The following CTNND1 variants were observed in gnomAD, a reference collection of about 807,000 sequenced individuals.
The protein encoded by CTNND1 is catenin delta-1.
A neutral mutation model predicts 112.1 loss-of-function variants in CTNND1; 16 were observed. The ratio of observed to expected loss-of-function variants is 0.14; its 90% confidence interval spans 0.10 to 0.22. The LOEUF (loss-of-function observed/expected upper bound fraction) is 0.22. Among genes scored for constraint, CTNND1 ranks in the 10% least tolerant of loss-of-function variants. The pLI is 1.00. For missense variants in CTNND1, 1,008 were observed against 1,257.0 expected (o/e 0.80, Z 3.00); for synonymous variants, 420 against 446.5 (o/e 0.94, Z 0.75).
At chr11:57,766,293 A>C (rs745576911) in intron 1 of CTNND1, among the ~76,000 whole-genome samples, 1 of 152,180 alleles carries the variant, frequency 6.6e-6, no homozygotes, top group African/African-American at 2.4e-5. Flanking sequence ...AAAAACGTTA[A>C]GAGCTTGGGA....
intron 1 of CTNND1, among the ~76,000 whole-genome samples, chr11:57,786,329 C>T (rs554327123): frequency 1.3e-5 from 2 of 151,650 alleles, no homozygotes; most frequent in African/African-American, 2.4e-5. Flanking sequence ...GTCAGGAGAT[C>T]GAGACCATCC....
In CTNND1 at chr11:57,815,768, C is replaced by T. The variant is rs2063900086; in HGVS notation, c.2809-147C>T. 1.2e-5 allele frequency: 9 copies of T among 772,888 alleles called. No individual in the cohort carries two copies. In the South Asian group the frequency reaches 1.3e-4, roughly 11 times the overall value. The allele number at this position is 772,888 out of a possible 1,614,324, so 47.9% of individuals were successfully genotyped here. ...TTTCAAACATTACCTTTTTCCTCTCCCTCCCTGTTTATGAATGTTTTGCCC... is the reference window on the plus strand; with the variant it reads ...TTTCAAACATTACCTTTTTCCTCTCTCTCCCTGTTTATGAATGTTTTGCCC... On this transcript the variant is annotated intron_variant, in intron 19 of 20. Coordinates refer to ENST00000399050, the MANE Select transcript of CTNND1 (RefSeq NM_001085458.2).
At position 57,796,971 on chromosome 11, in the gene CTNND1, CTG is replaced by C; in HGVS notation, c.936_937del (p.Asp313ProfsTer9). Reference sequence around the variant, plus strand: ...ACTGCCCGTCGGACTGGGACACCCTCTGACCCTCGTCGGCGCCTCAGGTAGGC... The same window carrying C: ...ACTGCCCGTCGGACTGGGACACCCTCACCCTCGTCGGCGCCTCAGGTAGGC... On this transcript the variant is annotated frameshift_variant, in exon 6 of 21. Transcript: ENST00000399050. LOFTEE classifies it high-confidence loss of function. 1 of 1,493,010 alleles carries C rather than the reference CTG, an allele frequency of 6.7e-7. No homozygotes were observed. The allele number at this position is 1,493,010 out of a possible 1,614,324, so 92.5% of individuals were successfully genotyped here. A position where few individuals can be genotyped will look rare whatever the true frequency, so the allele number is the denominator to read the frequency against.
intron 12 of CTNND1, among the ~76,000 whole-genome samples, chr11:57,807,621 A>AG (rs1275605346): frequency 6.6e-6 from 1 of 151,228 alleles, no homozygotes; most frequent in Non-Finnish European, 1.5e-5. Context: ...AAAAAAAAAA[A>AG]AAAAAAAAAA....
chr11:57,811,440 A>C lies in CTNND1; in HGVS notation c.2592A>C (p.Ser864=). Residue 864 remains serine, a synonymous_variant, in exon 17 of 21, where the codon TCA becomes TCC. Coordinates refer to ENST00000399050, the MANE Select transcript of CTNND1 (RefSeq NM_001085458.2). ...CTTCCCGAAGCCAGAGCAGTCATTC[A>C]TATGATGATAGTACTCTCCCTCTCA... is the stretch of plus-strand genomic sequence containing the variant. ...NNASRSQSSH[S]YDDSTLPLID... 6.2e-7 allele frequency: 1 copy of C among 1,613,744 alleles called. No homozygotes were observed. Among genetic ancestry groups the C allele is most frequent in the Non-Finnish European group, 8.5e-7 (1 of 1,179,800 alleles).
chr11:57,772,786 C>T (rs1953012871), intron 1 of CTNND1, among the ~76,000 whole-genome samples: 1 of 152,142 alleles, frequency 6.6e-6, no homozygotes, highest in Non-Finnish European at 1.5e-5. Flanking sequence ...GTGAGAGTCT[C>T]TGTCTCGTTC....
chr11:57,809,624 A>G lies in CTNND1; in HGVS notation c.2435+158A>G, dbSNP rs612688. Reference sequence around the variant, plus strand: ...TGTCTTAATGTTGATCCATAAATTGATAATAGATTCATGTCAAACTTTTCT... The same window carrying G: ...TGTCTTAATGTTGATCCATAAATTGGTAATAGATTCATGTCAAACTTTTCT... On this transcript the variant is annotated intron_variant, in intron 15 of 20. Coordinates refer to ENST00000399050, the MANE Select transcript of CTNND1 (RefSeq NM_001085458.2). 0.28 allele frequency among the ~76,000 whole-genome samples: 43,080 copies of G among 152,200 alleles called. 7,136 individuals are homozygous for G. The highest frequency in any genetic ancestry group is 0.79 in the East Asian group (4,073 of 5,186).
chr11:57,790,347 A>T (rs1265802609), intron 2 of CTNND1, among the ~76,000 whole-genome samples: 2 of 150,840 alleles, frequency 1.3e-5, no homozygotes, highest in Non-Finnish European at 1.5e-5. Context: ...AAGTGCTGGG[A>T]TTACAGGTGT....
intron 20 of CTNND1, 145 bp downstream of exon 20, chr11:57,816,146 A>G: frequency 8.6e-7 from 1 of 1,161,116 alleles, no homozygotes; most frequent in South Asian, 1.3e-5. Flanking sequence ...TTTTGTGATT[A>G]TTACCTCTTA....
At chr11:57,768,432 C>A (rs1204166530) in intron 1 of CTNND1, among the ~76,000 whole-genome samples, 2 of 142,310 alleles carry the variant, frequency 1.4e-5, no homozygotes, top group African/African-American at 5.3e-5. Flanking sequence ...CTTGCTCTGT[C>A]GCCCAGGCTG....
intron 1 of CTNND1, among the ~76,000 whole-genome samples, chr11:57,786,000 G>T (rs1430466170): frequency 2.6e-5 from 4 of 152,006 alleles, no homozygotes; most frequent in Non-Finnish European, 5.9e-5. Flanking sequence ...TTGGATGAAG[G>T]ATCTTTACTA....
chr11:57,787,227 G>A (rs2060235448), intron 1 of CTNND1, among the ~76,000 whole-genome samples: 1 of 152,184 alleles, frequency 6.6e-6, no homozygotes, highest in African/African-American at 2.4e-5. Context: ...GTGTAATGAT[G>A]TGATGACTTC....
At chr11:57,770,372 C>T (rs1952258227) in intron 1 of CTNND1, among the ~76,000 whole-genome samples, 1 of 150,902 alleles carries the variant, frequency 6.6e-6, no homozygotes, top group Admixed American at 6.6e-5. Context: ...TTTTGTTACA[C>T]GGTTGGGCTC....
At chr11:57,773,987 GT>G (rs1166998600) in intron 1 of CTNND1, among the ~76,000 whole-genome samples, 1 of 152,078 alleles carries the variant, frequency 6.6e-6, no homozygotes, top group Non-Finnish European at 1.5e-5. Context: ...TACCTTTATT[GT>G]TTGACTTTGG....
intron 1 of CTNND1, among the ~76,000 whole-genome samples, chr11:57,775,754 G>T (rs998229754): frequency 1.3e-5 from 2 of 152,112 alleles, no homozygotes; most frequent in African/African-American, 2.4e-5. Context: ...GGGAGGGGCT[G>T]GTTATGTTAG....
chr11:57,775,368 CAAA>C (rs1444327481), intron 1 of CTNND1, among the ~76,000 whole-genome samples: 1 of 149,520 alleles, frequency 6.7e-6, no homozygotes, highest in Non-Finnish European at 1.5e-5. Context: ...CACACACACA[CAAA>C]ACAAGAGAAG....
intron 1 of CTNND1, among the ~76,000 whole-genome samples, chr11:57,779,692 TA>T (rs1302453090): frequency 6.6e-6 from 1 of 152,170 alleles, no homozygotes; most frequent in Admixed American, 6.5e-5. Flanking sequence ...GATGTCACAT[TA>T]AAAATGAGAG....
chr11:57,807,267 C>T (rs1299525880), intron 12 of CTNND1, among the ~76,000 whole-genome samples: 1 of 152,126 alleles, frequency 6.6e-6, no homozygotes, highest in Non-Finnish European at 1.5e-5. Context: ...ACTGTAGTGC[C>T]TGAGACTTAA....
At chr11:57,779,861 G>T (rs754300995) in intron 1 of CTNND1, among the ~76,000 whole-genome samples, 8 of 151,976 alleles carry the variant, frequency 5.3e-5, no homozygotes, top group Non-Finnish European at 1.0e-4. Context: ...CTGAGTACTA[G>T]GTTCTTATAA....
Sources: gnomAD v4.1 joint callset for allele counts (sites outside exome capture counted in the v4.1 genomes callset) on GRCh38, gnomAD v4.1.1 for gene constraint, MANE v1.5 for transcripts, NCBI Gene and HGNC (gene_info 2026-07-23, HGNC 2026-07-21) for gene names.